RALGAPB: variants seen among roughly 807,000 people sequenced by gnomAD.
RALGAPB encodes Ral GTPase activating protein non-catalytic subunit beta.
RALGAPB carries 25 observed loss-of-function variants against 161.1 expected under a neutral mutation model. The observed-to-expected ratio is 0.16, with a 90% CI of 0.11 to 0.22. The LOEUF (loss-of-function observed/expected upper bound fraction) is 0.22. Among genes scored for constraint, RALGAPB ranks in the 10% least tolerant of loss-of-function variants. The pLI is 1.00. For missense variants in RALGAPB, 1,391 were observed against 1,815.2 expected, an observed-to-expected ratio of 0.77 and a Z score of 4.25; for synonymous variants, 629 against 626.1, an observed-to-expected ratio of 1.00 and a Z score of -0.07.
At chr20:38,548,330 A>G (rs2145423346) in intron 19 of RALGAPB, among the ~76,000 whole-genome samples, 1 of 152,344 alleles carries the variant, frequency 6.6e-6, no homozygotes, top group Admixed American at 6.5e-5. Flanking sequence ...TTACTAGGAC[A>G]GTGTTTCCCA....
intron 16 of RALGAPB, among the ~76,000 whole-genome samples, chr20:38,535,494 T>G (rs2086777174): frequency 6.6e-6 from 1 of 152,206 alleles, no homozygotes; most frequent in African/African-American, 2.4e-5. Flanking sequence ...AGAATGCATA[T>G]TGATTTTGTA....
intron 5 of RALGAPB, among the ~76,000 whole-genome samples, chr20:38,506,841 C>G (rs534459895): frequency 4.5e-4 from 69 of 152,214 alleles, no homozygotes; most frequent in African/African-American, 1.6e-3. Flanking sequence ...GTAGACTTCT[C>G]TTTTTCTGAG....
intron 22 of RALGAPB, among the ~76,000 whole-genome samples, chr20:38,556,616 T>G (rs373250338): frequency 1.7e-4 from 26 of 152,274 alleles, no homozygotes; most frequent in African/African-American, 6.3e-4. Context: ...TAACAAACTA[T>G]GTACAAGACC....
intron 18 of RALGAPB, among the ~76,000 whole-genome samples, chr20:38,543,135 C>T (rs1039244451): frequency 2.0e-5 from 3 of 152,186 alleles, no homozygotes; most frequent in African/African-American, 4.8e-5. Flanking sequence ...GCTGTCTTGT[C>T]TCTGCTAGCA....
chr20:38,494,718 A>G (rs1258268973), intron 3 of RALGAPB, among the ~76,000 whole-genome samples: 1 of 152,212 alleles, frequency 6.6e-6, no homozygotes, highest in Non-Finnish European at 1.5e-5. Context: ...AAATGGTGTA[A>G]TAGTTTTAAT....
At chr20:38,519,927 A>T (rs1042657219) in intron 9 of RALGAPB, among the ~76,000 whole-genome samples, 1 of 152,218 alleles carries the variant, frequency 6.6e-6, no homozygotes, top group African/African-American at 2.4e-5. Flanking sequence ...GCTTTGTAAA[A>T]GTAACATTGA....
chr20:38,549,946 A>G (rs1166283933), intron 20 of RALGAPB, among the ~76,000 whole-genome samples: 1 of 152,250 alleles, frequency 6.6e-6, no homozygotes, highest in Non-Finnish European at 1.5e-5. Flanking sequence ...CATATACACC[A>G]TGGAACACTA....
At chr20:38,474,052 GA>G (rs1481702614) in intron 1 of RALGAPB, among the ~76,000 whole-genome samples, 3 of 152,200 alleles carry the variant, frequency 2.0e-5, no homozygotes, top group African/African-American at 7.2e-5. Flanking sequence ...GTTAGGGATG[GA>G]ATTCTCTGCA....
intron 18 of RALGAPB, among the ~76,000 whole-genome samples, chr20:38,542,029 T>G (rs1251100821): frequency 6.6e-6 from 1 of 152,196 alleles, no homozygotes. Context: ...TTGTTTGGCT[T>G]GTAAGTGAGC....
At chr20:38,537,229 A>G (rs976596890) in intron 16 of RALGAPB, among the ~76,000 whole-genome samples, 4 of 152,198 alleles carry the variant, frequency 2.6e-5, no homozygotes, top group African/African-American at 9.6e-5. Context: ...TGCAAAGGTA[A>G]TTCAAAGGAG....
chr20:38,512,113 G>C (rs1409322410), intron 6 of RALGAPB, among the ~76,000 whole-genome samples: 2 of 152,124 alleles, frequency 1.3e-5, no homozygotes, highest in African/African-American at 4.8e-5. Context: ...CTAGGTATTT[G>C]TTGCTGATGT....
At chr20:38,485,164 G>C (rs537086423) in intron 1 of RALGAPB, among the ~76,000 whole-genome samples, 1 of 152,280 alleles carries the variant, frequency 6.6e-6, no homozygotes, top group South Asian at 2.1e-4. Flanking sequence ...TTTAGGCTCA[G>C]ACAATGGTTT....
At chr20:38,543,567 T>C (rs1303116484) in intron 18 of RALGAPB, among the ~76,000 whole-genome samples, 2 of 152,118 alleles carry the variant, frequency 1.3e-5, no homozygotes, top group African/African-American at 4.8e-5. Context: ...TCCTTCCTTG[T>C]TGTCTAAACT....
chr20:38,544,529 A>G (rs2087090706), intron 18 of RALGAPB, among the ~76,000 whole-genome samples: 1 of 152,122 alleles, frequency 6.6e-6, no homozygotes, highest in African/African-American at 2.4e-5. Context: ...GTGCAATGGC[A>G]TGATCTTGAC....
At chr20:38,505,304 C>G (rs2085729056) in intron 5 of RALGAPB, among the ~76,000 whole-genome samples, 1 of 152,160 alleles carries the variant, frequency 6.6e-6, no homozygotes, top group Non-Finnish European at 1.5e-5. Flanking sequence ...AAGCCATTAT[C>G]CTAAGTGAAT....
chr20:38,548,207 C>G (rs2087239706), intron 19 of RALGAPB: 1 of 152,472 alleles, frequency 6.6e-6, no homozygotes, highest in Non-Finnish European at 1.5e-5. Context: ...CAGTGCCTGC[C>G]TGTGGTGGGC....
At chr20:38,526,524 C>A (rs2086476174) in intron 13 of RALGAPB, among the ~76,000 whole-genome samples, 1 of 152,138 alleles carries the variant, frequency 6.6e-6, no homozygotes, top group Non-Finnish European at 1.5e-5. Flanking sequence ...TTCTTCAGAA[C>A]CTTACTTTAT....
At chr20:38,504,182 A>G (rs2085680432) in intron 5 of RALGAPB, among the ~76,000 whole-genome samples, 1 of 152,210 alleles carries the variant, frequency 6.6e-6, no homozygotes, top group Non-Finnish European at 1.5e-5. Flanking sequence ...CCTTGAAACT[A>G]TACTAGAGGG....
At chr20:38,495,980 T>A (rs1034370704) in intron 3 of RALGAPB, among the ~76,000 whole-genome samples, 2 of 152,200 alleles carry the variant, frequency 1.3e-5, no homozygotes, top group South Asian at 4.1e-4. Context: ...TTTTATTTCT[T>A]ATTCTGGGCT....
Sources: gnomAD v4.1 joint callset for allele counts (sites outside exome capture counted in the v4.1 genomes callset) on GRCh38, gnomAD v4.1.1 for gene constraint, MANE v1.5 for transcripts, NCBI Gene and HGNC (gene_info 2026-07-23, HGNC 2026-07-21) for gene names.